ATP8B4: variants seen among roughly 807,000 people sequenced by gnomAD.
ATP8B4 encodes the protein ATPase phospholipid transporting 8B4 (putative).
In ATP8B4, 133 loss-of-function variants were observed where a neutral mutation model predicts 145.6. That is an observed-to-expected ratio of 0.91 (90% confidence interval 0.79 to 1.05). The LOEUF is 1.05. ATP8B4 is among the 50% of genes least tolerant of loss of function. The pLI, the probability that ATP8B4 is intolerant of heterozygous loss-of-function variation, is 0.00. For missense variants in ATP8B4, 1,458 were observed against 1,425.2 expected, an observed-to-expected ratio of 1.02 and a Z score of -0.37; for synonymous variants, 507 against 492.9, an observed-to-expected ratio of 1.03 and a Z score of -0.38.
intron 20 of ATP8B4, among the ~76,000 whole-genome samples, chr15:49,905,957 T>C (rs968904867): frequency 1.2e-4 from 18 of 149,186 alleles, no homozygotes; most frequent in Non-Finnish European, 4.4e-5. Flanking sequence ...CCTACATATA[T>C]ATACACACAC....
At chr15:50,178,751 TGTG>T (rs1489237261) in intron 1 of ATP8B4, among the ~76,000 whole-genome samples, 1 of 152,238 alleles carries the variant, frequency 6.6e-6, no homozygotes, top group African/African-American at 2.4e-5. Context: ...TCTTTAAAAT[TGTG>T]GTAAAATATG....
intron 1 of ATP8B4, among the ~76,000 whole-genome samples, chr15:50,115,315 G>A (rs1595610233): frequency 1.3e-5 from 2 of 151,988 alleles, no homozygotes; most frequent in Admixed American, 1.3e-4. Flanking sequence ...CAGCCTGGGT[G>A]ACACAGAAGA....
At chr15:50,047,281 GACTT>G (rs2051798078) in intron 4 of ATP8B4, 66 bp downstream of exon 4, 9 of 957,884 alleles carry the variant, frequency 9.4e-6, no homozygotes, top group African/African-American at 6.7e-5. Flanking sequence ...TAAGTAAATT[GACTT>G]ACTTTTTACA....
chr15:50,138,309 T>TACAG (rs2044151570), intron 1 of ATP8B4, among the ~76,000 whole-genome samples: 1 of 141,060 alleles, frequency 7.1e-6, no homozygotes, highest in Non-Finnish European at 1.5e-5. Flanking sequence ...TAGATACATA[T>TACAG]ATAGATAGAT....
At chr15:50,137,779 G>A (rs1430914106) in intron 1 of ATP8B4, among the ~76,000 whole-genome samples, 2 of 152,212 alleles carry the variant, frequency 1.3e-5, no homozygotes, top group South Asian at 2.1e-4. Flanking sequence ...TGGGAGGGTC[G>A]TCATCTTGAA....
At chr15:49,893,655 C>G (rs1302838627) in intron 23 of ATP8B4, among the ~76,000 whole-genome samples, 1 of 152,052 alleles carries the variant, frequency 6.6e-6, no homozygotes, top group African/African-American at 2.4e-5. Context: ...AGGGGAAATG[C>G]AGAGTTGTTA....
rs1474810088 is a variant in ATP8B4 at position 49,917,007 on chromosome 15, T to A, written c.2068A>T (p.Met690Leu). The A allele has an allele frequency of 5.6e-6, 9 of 1,613,942 alleles. No individual in the cohort carries two copies. Among genetic ancestry groups the A allele is most frequent in the Non-Finnish European group, 6.8e-6 (8 of 1,179,942 alleles). The change falls in exon 20 of 28, where the codon ATG becomes TTG. Residue 690 changes from methionine to leucine, a missense_variant. By Grantham distance (15) the Met-to-Leu change is conservative. Transcript: ENST00000284509. Reference sequence around the variant, plus strand: ...ACATCATTCATGTCGTCAGTCAGCATGTTGCAGGCATAACCGATGTTGATG... The same window carrying A: ...ACATCATTCATGTCGTCAGTCAGCAAGTTGCAGGCATAACCGATGTTGATG... ...TAINIGYACN[M>L]LTDDMNDVFV...
intron 25 of ATP8B4, among the ~76,000 whole-genome samples, chr15:49,867,701 T>C (rs2033033444): frequency 1.3e-5 from 2 of 152,104 alleles, no homozygotes; most frequent in African/African-American, 4.8e-5. Flanking sequence ...AATAGGTGGC[T>C]CCTATTGAAG....
intron 3 of ATP8B4, among the ~76,000 whole-genome samples, chr15:50,061,882 C>T (rs1055274448): frequency 6.6e-6 from 1 of 152,138 alleles, no homozygotes; most frequent in African/African-American, 2.4e-5. Flanking sequence ...AAAAGAAATG[C>T]ATTTATCTCT....
Position 49,931,240 on chromosome 15 carries a change from C to A in ATP8B4, c.1521G>T (p.Gly507=), listed in dbSNP as rs2041226536. ...CTGGGGTCCGGGATTTAAAAATGAA[C>A]CCAAAATTTCTAGCGGCAGTCACTA... ...GALVTAARNF[G]FIFKSRTPET... Residue 507 remains glycine (G), a synonymous_variant, in exon 16 of 28, where the codon GGG becomes GGT. Transcript: ENST00000284509. The A allele has an allele frequency of 1.2e-6, 2 of 1,612,556 alleles. No homozygotes were observed. Among genetic ancestry groups the A allele is most frequent in the African/African-American group, 1.3e-5 (1 of 74,768 alleles).
At chr15:49,978,926 T>C (rs1243870669) in intron 12 of ATP8B4, among the ~76,000 whole-genome samples, 1 of 152,018 alleles carries the variant, frequency 6.6e-6, no homozygotes, top group East Asian at 1.9e-4. Context: ...TCCTGACAGA[T>C]CAAATTGTAG....
rs141296878 is a variant in ATP8B4, at chr15:49,876,503, G to A, written c.2802C>T (p.Ser934=). 65 of 1,613,894 alleles carry A rather than the reference G, an allele frequency of 4.0e-5. No individual in the cohort carries two copies. The highest frequency in any genetic ancestry group is 4.7e-5 in the Non-Finnish European group (56 of 1,179,898). ...GTTTGTAGAGCTGGGGACAGTCCACGCTGTTCTGGTCACTCACATCCTGTA... is the reference window on the plus strand; with the variant it reads ...GTTTGTAGAGCTGGGGACAGTCCACACTGTTCTGGTCACTCACATCCTGTA... ...IFDQDVSDQN[S]VDCPQLYKPG... is the part of the protein sequence containing the mutation. The change falls in exon 25 of 28, where the codon AGC becomes AGT. Residue 934 remains serine (S), a synonymous_variant. Transcript: ENST00000284509.
At position 50,012,689 on chromosome 15, in the gene ATP8B4, C is replaced by A. The variant is rs1343175632; in HGVS notation, c.363-1772G>T. Reference sequence around the variant, plus strand: ...CTGAACGAAGAGTAAGAAAAAGAAGCACAAAATAGGTTATTTTAAAGAGGA... The same window carrying A: ...CTGAACGAAGAGTAAGAAAAAGAAGAACAAAATAGGTTATTTTAAAGAGGA... On this transcript the variant is annotated intron_variant, in intron 6 of 27. Coordinates refer to ENST00000284509, the MANE Select transcript of ATP8B4 (RefSeq NM_024837.4). 3.5e-4 allele frequency among the ~76,000 whole-genome samples: 53 copies of A among 152,144 alleles called. 1 individual carries two copies. Among genetic ancestry groups the A allele is most frequent in the African/African-American group, 1.3e-3 (53 of 41,494 alleles).
Position 49,866,342 on chromosome 15 carries a change from T to G in ATP8B4, c.3166+4A>C. ...GGTTCCACTAGTCAACATGACTCAC[T>G]TACCAACAAATGGAAACTGGTTTGG... is the stretch of plus-strand genomic sequence containing the variant. On this transcript the variant is annotated splice_donor_region_variant and intron_variant, in intron 26 of 27. Coordinates refer to ENST00000284509, the MANE Select transcript of ATP8B4 (RefSeq NM_024837.4). The G allele has an allele frequency of 6.2e-7, 1 of 1,613,702 alleles. No homozygotes were observed. Among genetic ancestry groups the G allele is most frequent in the Non-Finnish European group, 8.5e-7 (1 of 1,179,718 alleles).
chr15:49,974,839 A>G (rs16963119), intron 12 of ATP8B4, among the ~76,000 whole-genome samples: 8,552 of 152,246 alleles, frequency 0.056, 829 homozygotes, highest in African/African-American at 0.2. Context: ...TTCTCCATTA[A>G]GCTGGGATGC....
intron 1 of ATP8B4, among the ~76,000 whole-genome samples, chr15:50,164,725 A>C (rs2044570670): frequency 6.6e-6 from 1 of 151,956 alleles, no homozygotes; most frequent in Non-Finnish European, 1.5e-5. Flanking sequence ...TTTATTTAGG[A>C]CTCTACATCA....
intron 2 of ATP8B4, among the ~76,000 whole-genome samples, chr15:50,087,339 A>AG (rs1555485669): frequency 6.0e-5 from 8 of 133,912 alleles, no homozygotes; most frequent in Admixed American, 2.3e-4. Context: ...ATTTATATAT[A>AG]ATATAGATCT....
chr15:50,027,379 G>GTGGGTGGATGGATGGATGGA (rs139338084), intron 6 of ATP8B4, among the ~76,000 whole-genome samples: 1 of 148,912 alleles, frequency 6.7e-6, no homozygotes, highest in African/African-American at 2.5e-5. Flanking sequence ...GGATGGATGG[G>GTGGGTGGATGGATGGATGGA]TGGATGGATG....
intron 12 of ATP8B4, among the ~76,000 whole-genome samples, chr15:49,978,813 G>C (rs949450112): frequency 2.6e-5 from 2 of 76,044 alleles, no homozygotes; most frequent in Non-Finnish European, 4.6e-5. Context: ...TAAATAAAGA[G>C]GGGTGTGTGT....
Sources: allele counts gnomAD v4.1 joint callset (sites outside exome capture counted in the v4.1 genomes callset), GRCh38; gene constraint gnomAD v4.1.1; transcripts MANE v1.5; gene names NCBI Gene and HGNC (gene_info 2026-07-23, HGNC 2026-07-21).